ACAP1: variants seen among roughly 807,000 people sequenced by gnomAD.
The protein encoded by ACAP1 is ArfGAP with coiled-coil, ankyrin repeat and PH domains 1, also known as arf-GAP with coiled-coil, ANK repeat and PH domain-containing protein 1.
Under a neutral mutation model 98.8 loss-of-function variants are expected in ACAP1, and 45 were observed. The observed-to-expected ratio is 0.46, with a 90% CI of 0.36 to 0.58. ACAP1 has a LOEUF of 0.58. ACAP1 is among the 20% of genes least tolerant of loss of function. The probability of loss-of-function intolerance (pLI) is 0.00; values close to 1 mark genes in which losing one functional copy is unlikely to be tolerated. For synonymous variants in ACAP1, 362 were observed against 375.3 expected, an observed-to-expected ratio of 0.96 and a Z score of 0.41; for missense variants, 735 against 971.4, an observed-to-expected ratio of 0.76 and a Z score of 3.24.
At position 7,336,805 on chromosome 17, in the gene ACAP1, TG is replaced by T. The variant is rs749150427; in HGVS notation, c.53+24del. ...CGTTTCCGGTAAGTGTGAACTGGTCTGGGGGGCTAAGGAGGGGAAAGTCTAA... is the reference window on the plus strand; with the variant it reads ...CGTTTCCGGTAAGTGTGAACTGGTCTGGGGGCTAAGGAGGGGAAAGTCTAA... On this transcript the variant is annotated intron_variant, in intron 1 of 21. Transcript: ENST00000158762. 6.2e-7 allele frequency: 1 copy of T among 1,612,614 alleles called. No individual in the cohort carries two copies. The highest frequency in any genetic ancestry group is 8.5e-7 in the Non-Finnish European group (1 of 1,178,692).
rs561316992 is a variant in ACAP1 at position 7,344,153 on chromosome 17, C to T, written c.744+30C>T. On this transcript the variant is annotated intron_variant, in intron 9 of 21. Transcript: ENST00000158762. The surrounding 1 kb of genome is among the most constrained non-coding windows in gnomAD (Gnocchi z 4.9). ...GGGGCCAGGTGCGGTGGCCCACGAC[C>T]GTCATCCCAACATGTTGGGAGGCTG... 29 of 1,552,468 alleles carry T rather than the reference C, an allele frequency of 1.9e-5. No individual in the cohort carries two copies. The highest frequency in any genetic ancestry group is 2.7e-5 in the African/African-American group (2 of 73,126).
Position 7,346,975 on chromosome 17 carries a change from G to A in ACAP1, c.1131+44G>A, listed in dbSNP as rs372968230. 8.2e-6 allele frequency: 13 copies of A among 1,589,292 alleles called. No individual in the cohort carries two copies. The African/African-American group carries it at 1.7e-4, about 21-fold the overall frequency. On this transcript the variant is annotated intron_variant, in intron 13 of 21. Transcript: ENST00000158762. ...GCGGAGCCAGGCTGCCTGTGGAGAT[G>A]GGGCACCCTTTACCCTAGGCCCCTT...
At position 7,350,976 on chromosome 17, in the gene ACAP1, C is replaced by A. The variant is rs1266339377; in HGVS notation, c.2099C>A (p.Ala700Asp). Residue 700 changes from alanine to aspartate, a missense_variant, in exon 21 of 22, where the codon GCT becomes GAT. Physicochemically the swap from Ala to Asp is moderately radical, Grantham distance 126. Coordinates refer to ENST00000158762, the MANE Select transcript of ACAP1 (RefSeq NM_014716.4). This position sits in a 1 kb window ranked among gnomAD's most constrained non-coding sequence, Gnocchi z 4.6. ...TLLRLAKMRE[A>D]EAAQGQAGDE... Reference sequence around the variant, plus strand: ...CTACGACTGGCAAAGATGAGGGAGGCTGAAGCGGCCCAGGGGCAGGCAGGT... The same window carrying A: ...CTACGACTGGCAAAGATGAGGGAGGATGAAGCGGCCCAGGGGCAGGCAGGT... The A allele has an allele frequency of 1.2e-6, 2 of 1,614,080 alleles. No homozygotes were observed. Among genetic ancestry groups the A allele is most frequent in the Non-Finnish European group, 1.7e-6 (2 of 1,180,032 alleles).
At chr17:7,338,880 G>A (rs1244040477) in intron 2 of ACAP1, among the ~76,000 whole-genome samples, 1 of 151,830 alleles carries the variant, frequency 6.6e-6, no homozygotes, top group Non-Finnish European at 1.5e-5. Flanking sequence ...TATTGACTCA[G>A]GAGACTAGTG....
chr17:7,341,800 G>C, intron 2 of ACAP1, 148 bp from the exon 3 acceptor site: 2 of 1,130,614 alleles, frequency 1.8e-6, no homozygotes, highest in Middle Eastern at 2.1e-4. Flanking sequence ...GATACAGGGA[G>C]AGCTGGATGA....
Position 7,336,756 on chromosome 17 carries a change from G to C in ACAP1, c.22G>C (p.Glu8Gln). 1.2e-6 allele frequency: 2 copies of C among 1,613,920 alleles called. No individual in the cohort carries two copies. Among genetic ancestry groups the C allele is most frequent in the African/African-American group, 1.3e-5 (1 of 75,022 alleles). The change falls in exon 1 of 22, where the codon GAG (glutamate) becomes CAG (glutamine). Residue 8 changes from glutamate to glutamine, a missense_variant. Around this residue, in one of 5 missense-constraint regions of ACAP1, gnomAD observed 430 missense variants for 531.8 expected, o/e 0.81. Transcript: ENST00000158762. MTVKLDF[E>Q]ECLKDSPRFR... ...TGAGATGACGGTCAAGCTGGATTTC[G>C]AGGAGTGTCTCAAGGACTCACCCCG... is the stretch of plus-strand genomic sequence containing the variant.
rs1296783636 is a variant in ACAP1, at chr17:7,351,353, G to A, written c.2181G>A (p.Pro727=). The A allele has an allele frequency of 6.2e-7, 1 of 1,613,756 alleles. No individual in the cohort carries two copies. The highest frequency in any genetic ancestry group is 1.3e-5 in the African/African-American group (1 of 75,048). ...RDFSLMASDD[P]EKLSRRSHDL... The stretch of plus-strand genomic sequence containing the variant: ...TCTCCCTCATGGCGTCAGACGACCC[G>A]GAGAAGCTGAGCCGTCGCAGTCATG... Residue 727 remains proline, a synonymous_variant, in exon 22 of 22, where the codon CCG becomes CCA. Transcript: ENST00000158762.
At position 7,343,053 on chromosome 17, in the gene ACAP1, C is replaced by G. The variant is rs2073306032; in HGVS notation, c.345-326C>G. On this transcript the variant is annotated intron_variant, in intron 5 of 21. Transcript: ENST00000158762. The surrounding 1 kb of genome is among the most constrained non-coding windows in gnomAD (Gnocchi z 4.9). ...CATGATTGTGCCACTGTACTCCAGC[C>G]TGGGTAACAGAGCAAGACCCGGTCT... The G allele has an allele frequency of 3.8e-6, 1 of 262,366 alleles. No individual in the cohort carries two copies. The highest frequency in any genetic ancestry group is 6.6e-5 in the South Asian group (1 of 15,104). 16.3% of individuals were successfully genotyped at this position (262,366 alleles called of 1,614,324 possible). A position where few individuals can be genotyped will look rare whatever the true frequency, so the allele number is the denominator to read the frequency against.
Position 7,346,433 on chromosome 17 carries a change from G to A in ACAP1, c.949G>A (p.Val317Met), listed in dbSNP as rs1199943484. The A allele has an allele frequency of 1.9e-6, 3 of 1,613,782 alleles. No individual in the cohort carries two copies. In the East Asian group the frequency reaches 6.7e-5, roughly 36 times the overall value. Reference sequence around the variant, plus strand: ...GGTGGATGACCTTCGTCTCTGCACAGTGAAACTCTGCCCTGACTCAGAAAG... The same window carrying A: ...GGTGGATGACCTTCGTCTCTGCACAATGAAACTCTGCCCTGACTCAGAAAG... ...VVVDDLRLCT[V>M]KLCPDSERRF... The change falls in exon 12 of 22, where the codon GTG becomes ATG. Residue 317 changes from valine to methionine, a missense_variant. Coordinates refer to ENST00000158762, the MANE Select transcript of ACAP1 (RefSeq NM_014716.4).
chr17:7,341,956 A>G lies in ACAP1; in HGVS notation c.120A>G (p.Lys40=). The G allele has an allele frequency of 6.2e-7, 1 of 1,614,036 alleles. No homozygotes were observed. Among genetic ancestry groups the G allele is most frequent in the Non-Finnish European group, 8.5e-7 (1 of 1,179,976 alleles). Residue 40 remains lysine (K), a synonymous_variant, in exon 3 of 22, where the codon AAA becomes AAG. Transcript: ENST00000158762. ...ELETRLEKLL[K]LGTGLLESGR... Reference sequence around the variant, plus strand: ...CCCTCCTTCTTTCCCAGCTCCTGAAACTGGGCACTGGTCTCCTGGAAAGTG... The same window carrying G: ...CCCTCCTTCTTTCCCAGCTCCTGAAGCTGGGCACTGGTCTCCTGGAAAGTG...
At chr17:7,336,867 G>A in intron 1 of ACAP1, 80 bp downstream of exon 1, 4 of 1,513,734 alleles carry the variant, frequency 2.6e-6, no homozygotes, top group Non-Finnish European at 3.7e-6. Flanking sequence ...CCCAGGCCAG[G>A]TCTCCTTCCA....
chr17:7,343,198 TC>T lies in ACAP1; in HGVS notation c.345-177del. 3 of 581,780 alleles carry T rather than the reference TC, an allele frequency of 5.2e-6. No homozygotes were observed. The highest frequency in any genetic ancestry group is 8.8e-6 in the Non-Finnish European group (3 of 341,930). The allele number at this position is 581,780 out of a possible 1,614,324, so 36.0% of individuals were successfully genotyped here. On this transcript the variant is annotated intron_variant, in intron 5 of 21. Transcript: ENST00000158762. This position sits in a 1 kb window ranked among gnomAD's most constrained non-coding sequence, Gnocchi z 4.9. ...CCCTCTTCCCATGGCCACAGGAGCC[TC>T]CCCAGTGACGGAGTTGTGAGATTGG... is the stretch of plus-strand genomic sequence containing the variant.
Position 7,343,749 on chromosome 17 carries a change from T to C in ACAP1, c.572T>C (p.Phe191Ser). 6.2e-7 allele frequency: 1 copy of C among 1,614,008 alleles called. No homozygotes were observed. Among genetic ancestry groups the C allele is most frequent in the Non-Finnish European group, 8.5e-7 (1 of 1,179,978 alleles). ...EDKRKFDIME[F>S]VLRLVEAQAT... is the part of the protein sequence containing the mutation. ...AAGAGGAAGTTTGACATCATGGAGTTTGTGAGTTGTGGCGGGGGTGAGGGC... is the reference window on the plus strand; with the variant it reads ...AAGAGGAAGTTTGACATCATGGAGTCTGTGAGTTGTGGCGGGGGTGAGGGC... Residue 191 changes from phenylalanine to serine, a missense_variant and splice_region_variant, in exon 7 of 22, where the codon TTT (phenylalanine) becomes TCT (serine). Phe to Ser is a radical substitution (Grantham distance 155, BLOSUM62 -2). Transcript: ENST00000158762. The surrounding 1 kb of genome is among the most constrained non-coding windows in gnomAD (Gnocchi z 4.9).
In ACAP1 at chr17:7,336,585, G is replaced by T; in HGVS notation, c.-150G>T. 2 of 766,406 alleles carry T rather than the reference G, an allele frequency of 2.6e-6. No homozygotes were observed. Among genetic ancestry groups the T allele is most frequent in the Middle Eastern group, 3.6e-4 (1 of 2,760 alleles). 47.5% of individuals were successfully genotyped at this position (766,406 alleles called of 1,614,324 possible). A position where few individuals can be genotyped will look rare whatever the true frequency, so the allele number is the denominator to read the frequency against. On this transcript the variant is annotated 5_prime_UTR_variant, in exon 1 of 22. Transcript: ENST00000158762. ...CTCCTAGGACACCCCTTTCCCCTTGGGGAAAGAATTGTGCCCCCAGGCCCT... is the reference window on the plus strand; with the variant it reads ...CTCCTAGGACACCCCTTTCCCCTTGTGGAAAGAATTGTGCCCCCAGGCCCT...
intron 14 of ACAP1, 21 bp downstream of exon 14, chr17:7,347,263 C>A (rs1235864350): frequency 2.5e-6 from 4 of 1,594,008 alleles, no homozygotes; most frequent in East Asian, 2.2e-5. Context: ...AAGGCCCATG[C>A]GGGAGCCCCA....
At chr17:7,347,342 G>T in intron 14 of ACAP1, 100 bp downstream of exon 14, 1 of 1,185,550 alleles carries the variant, frequency 8.4e-7, no homozygotes, top group South Asian at 1.5e-5. Flanking sequence ...TCCCTGTCCT[G>T]GCTTCCTCTC....
chr17:7,337,977 A>G (rs192350562), intron 2 of ACAP1, among the ~76,000 whole-genome samples: 43 of 152,332 alleles, frequency 2.8e-4, no homozygotes, highest in Admixed American at 2.8e-3. Context: ...AAGGCTGACT[A>G]GAAGACAAAC....
intron 2 of ACAP1, among the ~76,000 whole-genome samples, chr17:7,339,664 A>C (rs1488234739): frequency 6.6e-6 from 1 of 152,160 alleles, no homozygotes; most frequent in East Asian, 1.9e-4. Flanking sequence ...CTAAATAAAT[A>C]AATAAACTCT....
At chr17:7,351,155 T>C (rs1431187888) in intron 21 of ACAP1, 140 bp from the exon 22 acceptor site, 6 of 1,097,114 alleles carry the variant, frequency 5.5e-6, no homozygotes, top group Admixed American at 4.4e-5. Context: ...TGGCAAGGCA[T>C]AGGTGCTGGC....
Sources: allele counts gnomAD v4.1 joint callset (sites outside exome capture counted in the v4.1 genomes callset), GRCh38; gene constraint gnomAD v4.1.1; regional missense constraint gnomAD v4.1.1; non-coding constraint Gnocchi (gnomAD v3.1); transcripts MANE v1.5; gene names NCBI Gene and HGNC (gene_info 2026-07-23, HGNC 2026-07-21).